The following MYO16 variants were observed in gnomAD, a reference collection of about 807,000 sequenced individuals.
MYO16 encodes unconventional myosin-XVI.
In MYO16, 94 loss-of-function variants were observed where a neutral mutation model predicts 205.3. That is an observed-to-expected ratio of 0.46 (90% CI 0.39 to 0.54). The LOEUF (loss-of-function observed/expected upper bound fraction) is 0.54, where lower values mean the gene tolerates loss of function less well. Ranked by LOEUF, MYO16 falls within the 20% of genes least tolerant of loss-of-function variation. MYO16 has a pLI of 0.00. For synonymous variants in MYO16, 988 were observed against 954.0 expected, an observed-to-expected ratio of 1.04 and a Z score of -0.66; for missense variants, 2,315 against 2,387.5, an observed-to-expected ratio of 0.97 and a Z score of 0.63.
At chr13:109,039,975 A>G (rs1285568216) in intron 23 of MYO16, among the ~76,000 whole-genome samples, 2 of 152,132 alleles carry the variant, frequency 1.3e-5, no homozygotes, top group Non-Finnish European at 2.9e-5. Flanking sequence ...AATAGCCAAT[A>G]TCAGTAATAA....
chr13:109,175,523 C>T lies in MYO16; in HGVS notation c.5324-4019C>T, dbSNP rs1879130530. Among the ~76,000 whole-genome samples the T allele has an allele frequency of 2.6e-5, 4 of 152,270 alleles. No individual in the cohort carries two copies. The South Asian group carries it at 8.3e-4, about 32-fold the overall frequency. ...TAGGGTGGACGCAGTTTCAGAAGAC[C>T]TTGATTTGCTGTCATTTGGGCAAGA... On this transcript the variant is annotated intron_variant, in intron 33 of 34. Coordinates refer to ENST00000457511, the MANE Select transcript of MYO16 (RefSeq NM_001198950.3).
At chr13:108,804,232 C>G (rs963867659) in intron 6 of MYO16, among the ~76,000 whole-genome samples, 1 of 152,166 alleles carries the variant, frequency 6.6e-6, no homozygotes, top group South Asian at 2.1e-4. Flanking sequence ...GTTTTAGAAG[C>G]CACTCTGACC....
At chr13:108,757,695 G>C (rs1566589976) in intron 4 of MYO16, among the ~76,000 whole-genome samples, 1 of 151,676 alleles carries the variant, frequency 6.6e-6, no homozygotes. Context: ...TGTTCTCATT[G>C]TTCAATTCCC....
At chr13:109,044,371 G>T (rs997202967) in intron 23 of MYO16, among the ~76,000 whole-genome samples, 1 of 152,172 alleles carries the variant, frequency 6.6e-6, no homozygotes, top group African/African-American at 2.4e-5. Flanking sequence ...TATCTTGGAG[G>T]TAGGGTACTT....
At chr13:109,122,535 G>A (rs957671286) in intron 29 of MYO16, among the ~76,000 whole-genome samples, 11 of 151,928 alleles carry the variant, frequency 7.2e-5, no homozygotes, top group South Asian at 6.3e-4. Context: ...AAAATTAGCC[G>A]GGCATGGTAG....
chr13:109,060,034 G>C lies in MYO16; in HGVS notation c.3335+4439G>C, dbSNP rs1386628845. Among the ~76,000 whole-genome samples the C allele has an allele frequency of 6.6e-5, 10 of 152,086 alleles. 1 individual carries two copies. Among genetic ancestry groups the C allele is most frequent in the Admixed American group, 5.2e-4 (8 of 15,256 alleles). ...GAAATAGGAATGCTCTTACACTGTTGGTGGCAGTGTAAATTAGTTCAACCA... is the reference window on the plus strand; with the variant it reads ...GAAATAGGAATGCTCTTACACTGTTCGTGGCAGTGTAAATTAGTTCAACCA... On this transcript the variant is annotated intron_variant, in intron 27 of 34. Transcript: ENST00000457511.
At chr13:108,729,822 C>A (rs195243) in intron 4 of MYO16, among the ~76,000 whole-genome samples, 151,542 of 152,334 alleles carry the variant, frequency 0.99, 75,382 homozygotes, top group Non-Finnish European at 1. Context: ...TATTTCTGAT[C>A]GGAAAGAGCA....
At chr13:108,527,283 G>C in the MYO16 span, among the ~76,000 whole-genome samples, 1 of 152,112 alleles carries the variant, frequency 6.6e-6, no homozygotes, top group East Asian at 1.9e-4. Context: ...ATTTCATTTA[G>C]AAACCCAAGT....
chr13:108,899,379 C>T (rs1880597004), intron 15 of MYO16, among the ~76,000 whole-genome samples: 1 of 151,370 alleles, frequency 6.6e-6, no homozygotes, highest in South Asian at 2.1e-4. Flanking sequence ...GCAGATATCA[C>T]ACCATTGCAC....
intron 22 of MYO16, among the ~76,000 whole-genome samples, chr13:109,016,571 C>G (rs918361152): frequency 1.3e-5 from 2 of 151,978 alleles, no homozygotes; most frequent in Admixed American, 6.6e-5. Context: ...TTAAAGTCTC[C>G]CGTTATTATT....
intron 33 of MYO16, among the ~76,000 whole-genome samples, chr13:109,174,810 G>A (rs913776565): frequency 6.8e-6 from 1 of 146,358 alleles, no homozygotes; most frequent in African/African-American, 2.6e-5. Flanking sequence ...GGAGTGCAGT[G>A]GCACAATCTC....
the MYO16 span, among the ~76,000 whole-genome samples, chr13:108,536,573 A>G: frequency 1.3e-5 from 2 of 152,232 alleles, no homozygotes; most frequent in Non-Finnish European, 1.5e-5. Context: ...TCATCCACAT[A>G]TAGGGAAAAT....
intron 1 of MYO16, among the ~76,000 whole-genome samples, chr13:108,616,400 C>T (rs938023167): frequency 3.9e-5 from 6 of 152,234 alleles, no homozygotes; most frequent in African/African-American, 1.4e-4. Flanking sequence ...ATTCCTTCAC[C>T]ATCGTAGTCT....
the MYO16 span, among the ~76,000 whole-genome samples, chr13:108,504,440 G>A: frequency 6.7e-6 from 1 of 148,618 alleles, no homozygotes; most frequent in East Asian, 2.1e-4. Context: ...ATCTCTAGGA[G>A]TGTTAATCTT....
chr13:109,191,901 T>A (rs9521203), intron 34 of MYO16, among the ~76,000 whole-genome samples: 6,878 of 152,300 alleles, frequency 0.045, 179 homozygotes, highest in South Asian at 0.071. Context: ...CCTTTTTTTG[T>A]AAGTGGAAAA....
Position 108,806,780 on chromosome 13 carries a change from C to T in MYO16, c.843C>T (p.Leu281=), listed in dbSNP as rs1374665649. The stretch of plus-strand genomic sequence containing the variant: ...TAGATGATCAGTACTGGACTCCCCT[C>T]CACTTGGCAGCCAAATATGGCCAGG... ...NIVDDQYWTP[L]HLAAKYGQTN... is the part of the protein sequence containing the mutation. The change falls in exon 7 of 35, where the codon CTC becomes CTT. Residue 281 remains leucine, a synonymous_variant. Transcript: ENST00000457511. The T allele has an allele frequency of 1.3e-6, 2 of 1,553,480 alleles. No individual in the cohort carries two copies. The highest frequency in any genetic ancestry group is 2.3e-5 in the East Asian group (1 of 44,026).
intron 27 of MYO16, among the ~76,000 whole-genome samples, chr13:109,095,839 C>G (rs1013773083): frequency 6.6e-6 from 1 of 152,210 alleles, no homozygotes; most frequent in Non-Finnish European, 1.5e-5. Flanking sequence ...AGCCTGCAGG[C>G]ACCGAAGGCC....
In MYO16 at chr13:108,995,198, G is replaced by A. The variant is rs1288316036; in HGVS notation, c.2442+2750G>A. ...AAGATGGCAGTGGACTTGGTGTCTG[G>A]TGAGGGCTCTCTGCTTCATAGATGC... is the stretch of plus-strand genomic sequence containing the variant. On this transcript the variant is annotated intron_variant, in intron 21 of 34. Coordinates refer to ENST00000457511, the MANE Select transcript of MYO16 (RefSeq NM_001198950.3). Among the ~76,000 whole-genome samples, 5 of 152,136 alleles carry A rather than the reference G, an allele frequency of 3.3e-5. No homozygotes were observed. The East Asian group carries it at 9.6e-4, about 29-fold the overall frequency.
At chr13:108,571,508 T>C in the MYO16 span, among the ~76,000 whole-genome samples, 1 of 152,168 alleles carries the variant, frequency 6.6e-6, no homozygotes, top group Non-Finnish European at 1.5e-5. Context: ...TGTATACCAA[T>C]ATTAAAATGT....
Sources: allele counts gnomAD v4.1 joint callset (sites outside exome capture counted in the v4.1 genomes callset), GRCh38; gene constraint gnomAD v4.1.1; transcripts MANE v1.5; gene names NCBI Gene and HGNC (gene_info 2026-07-23, HGNC 2026-07-21).